The following CWC22 variants were observed in gnomAD, a reference collection of about 807,000 sequenced individuals.
CWC22 encodes pre-mRNA-splicing factor CWC22 homolog.
Under a neutral mutation model 117.2 loss-of-function variants are expected in CWC22, and 53 were observed. The ratio of observed to expected loss-of-function variants is 0.45; its 90% CI spans 0.36 to 0.57. The LOEUF (loss-of-function observed/expected upper bound fraction) is 0.57. CWC22 is among the 20% of genes least tolerant of loss of function. CWC22 has a pLI of 0.00. For missense variants in CWC22, 980 were observed against 1,068.8 expected, an observed-to-expected ratio of 0.92 and a Z score of 1.16; for synonymous variants, 360 against 355.6, an observed-to-expected ratio of 1.01 and a Z score of -0.14.
intron 4 of CWC22, among the ~76,000 whole-genome samples, chr2:179,985,948 G>C (rs755422770): frequency 4.6e-5 from 7 of 151,986 alleles, no homozygotes; most frequent in Non-Finnish European, 8.8e-5. Context: ...ATTTCTACAA[G>C]GGAGAAAAAG....
At chr2:179,983,861 T>C (rs1411192844) in intron 4 of CWC22, among the ~76,000 whole-genome samples, 1 of 152,138 alleles carries the variant, frequency 6.6e-6, no homozygotes, top group Non-Finnish European at 1.5e-5. Context: ...AGAGAGTAGC[T>C]ACAGCAGGGA....
At chr2:179,959,797 T>C (rs768339339) in intron 13 of CWC22, among the ~76,000 whole-genome samples, 3 of 152,210 alleles carry the variant, frequency 2.0e-5, no homozygotes, top group South Asian at 2.1e-4. Context: ...GGGACCACCA[T>C]TGCCTATGTG....
Position 179,945,176 on chromosome 2 carries a change from T to C in CWC22, c.2680A>G (p.Lys894Glu). The change falls in exon 20 of 20, where the codon AAA becomes GAA. Residue 894 changes from lysine to glutamate, a missense_variant. Lys to Glu is a moderately conservative substitution (Grantham distance 56). Coordinates refer to ENST00000410053, the MANE Select transcript of CWC22 (RefSeq NM_020943.3). ...TTTTCTCTTCGCCGGTCCTGATTTTTCTTTGATTCTCTGGATTGTTCAGAG... is the reference window on the plus strand; with the variant it reads ...TTTTCTCTTCGCCGGTCCTGATTTTCCTTTGATTCTCTGGATTGTTCAGAG... ...RYSEQSRESK[K>E]NQDRRREKSP... 2 of 1,604,628 alleles carry C rather than the reference T, an allele frequency of 1.2e-6. No homozygotes were observed. Among genetic ancestry groups the C allele is most frequent in the Non-Finnish European group, 1.7e-6 (2 of 1,177,818 alleles).
intron 19 of CWC22, among the ~76,000 whole-genome samples, chr2:179,949,259 G>GAAAATATATATATTTTGT (rs1686387963): frequency 6.6e-6 from 1 of 152,104 alleles, no homozygotes; most frequent in Admixed American, 6.6e-5. Context: ...ACAAGAATGG[G>GAAAATATATATATTTTGT]ACTGGTTATT....
intron 18 of CWC22, 30 bp from the exon 19 acceptor site, chr2:179,950,762 A>C (rs1415453852): frequency 6.2e-7 from 1 of 1,604,598 alleles, no homozygotes; most frequent in African/African-American, 1.3e-5. Context: ...GTTAGATTCT[A>C]TTTCAAAGAC....
chr2:180,002,887 C>T (rs1687879673), intron 1 of CWC22, among the ~76,000 whole-genome samples: 1 of 152,200 alleles, frequency 6.6e-6, no homozygotes, highest in African/African-American at 2.4e-5. Flanking sequence ...ATGAGAGACT[C>T]ATTAAGCTAA....
intron 19 of CWC22, among the ~76,000 whole-genome samples, chr2:179,946,124 C>T (rs1231800819): frequency 1.3e-5 from 2 of 152,086 alleles, no homozygotes; most frequent in African/African-American, 4.8e-5. Flanking sequence ...CTCAGGTGAT[C>T]TGCCTGCCTC....
At chr2:179,990,970 G>A (rs1687550927) in intron 2 of CWC22, among the ~76,000 whole-genome samples, 1 of 152,092 alleles carries the variant, frequency 6.6e-6, no homozygotes, top group Non-Finnish European at 1.5e-5. Context: ...ATCACTTTCA[G>A]GTATGAATCA....
intron 1 of CWC22, among the ~76,000 whole-genome samples, chr2:180,004,444 T>A (rs1687920947): frequency 6.6e-6 from 1 of 152,004 alleles, no homozygotes; most frequent in Non-Finnish European, 1.5e-5. Context: ...CAAGCTGGAG[T>A]GCAGTGGAGA....
chr2:180,005,704 A>T (rs1687953986), intron 1 of CWC22, among the ~76,000 whole-genome samples: 1 of 152,246 alleles, frequency 6.6e-6, no homozygotes, highest in Non-Finnish European at 1.5e-5. Context: ...TCATAGTAGT[A>T]ATTTACAATA....
In CWC22 at chr2:179,973,709, T is replaced by C. The variant is rs575416739; in HGVS notation, c.675A>G (p.Lys225=). The change falls in exon 7 of 20, where the codon AAA becomes AAG. Residue 225 remains lysine (K), a synonymous_variant. Coordinates refer to ENST00000410053, the MANE Select transcript of CWC22 (RefSeq NM_020943.3). ...YAALVAIINS[K]FPQIGELILK... is the part of the protein sequence containing the mutation. Reference sequence around the variant, plus strand: ...GGATTAATTCTCCAATTTGTGGAAATTTTGAGTTGATAATTGCCACTAATG... The same window carrying C: ...GGATTAATTCTCCAATTTGTGGAAACTTTGAGTTGATAATTGCCACTAATG... 6.2e-7 allele frequency: 1 copy of C among 1,611,604 alleles called. No individual in the cohort carries two copies. The highest frequency in any genetic ancestry group is 1.3e-5 in the African/African-American group (1 of 74,970).
rs1686420896 is a variant in CWC22, at chr2:179,950,605, A to G, written c.2047T>C (p.Ser683Pro). ...TCACTGCTGTCAGAATCAGAGTCGG[A>G]TGAGTCAGACTCTGAAGAGGAGGAC... ...SASSSSESDSSDSDSDSSDSS... is the reference protein window; with the variant it reads ...SASSSSESDSPDSDSDSSDSS... The change falls in exon 19 of 20, where the codon TCC becomes CCC. Residue 683 changes from serine (S) to proline (P), a missense_variant. This residue lies in a region of CWC22 where 306 missense variants were observed against 296.8 expected (regional missense o/e 1.03). Transcript: ENST00000410053. The G allele has an allele frequency of 1.2e-6, 2 of 1,613,496 alleles. No individual in the cohort carries two copies. Among genetic ancestry groups the G allele is most frequent in the African/African-American group, 1.3e-5 (1 of 75,006 alleles).
chr2:179,991,495 G>A (rs560018657), intron 2 of CWC22, among the ~76,000 whole-genome samples: 2 of 152,282 alleles, frequency 1.3e-5, no homozygotes, highest in East Asian at 1.9e-4. Context: ...TAAGTGTGAA[G>A]GGCATGCTAA....
chr2:179,970,744 G>A lies in CWC22; in HGVS notation c.1053C>T (p.Pro351=). The part of the protein sequence containing the change: ...AVRKDGFKDH[P]IILEGLDLVE... Reference sequence around the variant, plus strand: ...CCAAATCAAGACCTTCTAGGATAATGGGGTGGTCCTTGAATCCATCTTTCC... The same window carrying A: ...CCAAATCAAGACCTTCTAGGATAATAGGGTGGTCCTTGAATCCATCTTTCC... Residue 351 remains proline (P), a synonymous_variant, in exon 10 of 20, where the codon CCC becomes CCT. Coordinates refer to ENST00000410053, the MANE Select transcript of CWC22 (RefSeq NM_020943.3). 1 of 1,613,608 alleles carries A rather than the reference G, an allele frequency of 6.2e-7. No individual in the cohort carries two copies. Among genetic ancestry groups the A allele is most frequent in the East Asian group, 2.2e-5 (1 of 44,854 alleles).
At chr2:179,968,105 G>A (rs1038787712) in intron 11 of CWC22, among the ~76,000 whole-genome samples, 2 of 152,036 alleles carry the variant, frequency 1.3e-5, no homozygotes, top group Non-Finnish European at 2.9e-5. Context: ...ATTTGATCTT[G>A]ATAATATTAA....
intron 8 of CWC22, among the ~76,000 whole-genome samples, chr2:179,971,769 C>T (rs1036955434): frequency 6.6e-6 from 1 of 152,158 alleles, no homozygotes; most frequent in Non-Finnish European, 1.5e-5. Flanking sequence ...ATGTTTAAAA[C>T]ACCATACATA....
At chr2:179,985,685 A>G (rs756452530) in intron 4 of CWC22, among the ~76,000 whole-genome samples, 1 of 152,140 alleles carries the variant, frequency 6.6e-6, no homozygotes, top group Non-Finnish European at 1.5e-5. Flanking sequence ...GAGGCAGACC[A>G]CATTCGATAA....
intron 2 of CWC22, among the ~76,000 whole-genome samples, chr2:179,991,806 G>T (rs1025953735): frequency 6.6e-6 from 1 of 152,102 alleles, no homozygotes; most frequent in Non-Finnish European, 1.5e-5. Flanking sequence ...ATGGACCAAT[G>T]AGTACAAGTC....
intron 2 of CWC22, among the ~76,000 whole-genome samples, chr2:179,990,568 GAGA>G: frequency 6.6e-6 from 1 of 151,574 alleles, no homozygotes; most frequent in Non-Finnish European, 1.5e-5. Flanking sequence ...GAGAGAGAGA[GAGA>G]GAGAGAGAAA....
Sources: gnomAD v4.1 joint callset for allele counts (sites outside exome capture counted in the v4.1 genomes callset) on GRCh38, gnomAD v4.1.1 for gene constraint, gnomAD v4.1.1 regional missense constraint, MANE v1.5 for transcripts, NCBI Gene and HGNC (gene_info 2026-07-23, HGNC 2026-07-21) for gene names.